Variants in MACROD1 observed in about 807,000 individuals in gnomAD.
The protein encoded by MACROD1 is ADP-ribose glycohydrolase MACROD1.
Under a neutral mutation model 41.4 loss-of-function variants are expected in MACROD1, and 31 were observed. The ratio of observed to expected loss-of-function variants is 0.75; its 90% CI spans 0.56 to 1.01. The LOEUF (loss-of-function observed/expected upper bound fraction) is 1.01. Among genes scored for constraint, MACROD1 ranks in the 50% least tolerant of loss-of-function variants. MACROD1 has a pLI of 0.00. For synonymous variants in MACROD1, 252 were observed against 203.4 expected (o/e 1.24, Z -2.03); for missense variants, 473 against 460.0 (o/e 1.03, Z -0.26).
rs188704118 is a variant in MACROD1 at position 64,016,554 on chromosome 11, C to T, written c.518-1273G>A. Among the ~76,000 whole-genome samples, 5 of 152,354 alleles carry T rather than the reference C, an allele frequency of 3.3e-5. No individual in the cohort carries two copies. In the East Asian group the frequency reaches 5.8e-4, roughly 18 times the overall value. ...TGGCCAGGCTGCAGGCCCAAGATGC[C>T]GTGAGGACGGCATGGACGCTGCTAA... On this transcript the variant is annotated intron_variant, in intron 3 of 10. Coordinates refer to ENST00000255681, the MANE Select transcript of MACROD1 (RefSeq NM_014067.4).
intron 3 of MACROD1, among the ~76,000 whole-genome samples, chr11:64,079,026 G>T (rs776140640): frequency 6.6e-6 from 1 of 151,466 alleles, no homozygotes. Flanking sequence ...ATGGGACTGG[G>T]TTCCCAGGGG....
chr11:64,066,456 A>C (rs1420884193), intron 3 of MACROD1, among the ~76,000 whole-genome samples: 1 of 151,674 alleles, frequency 6.6e-6, no homozygotes, highest in Non-Finnish European at 1.5e-5. Flanking sequence ...ATCTCTACAA[A>C]AAATTTTAAA....
chr11:64,054,049 G>A (rs1380018167), intron 3 of MACROD1, among the ~76,000 whole-genome samples: 1 of 152,152 alleles, frequency 6.6e-6, no homozygotes, highest in African/African-American at 2.4e-5. Flanking sequence ...CCCTGGCCCT[G>A]GTGGCAGCAA....
At chr11:64,015,107 C>T (rs957279910) in intron 4 of MACROD1, 145 bp downstream of exon 4, 12 of 853,004 alleles carry the variant, frequency 1.4e-5, no homozygotes, top group Admixed American at 3.6e-5. Flanking sequence ...AGGTCTCCAG[C>T]TCTGGGGAAG....
intron 3 of MACROD1, among the ~76,000 whole-genome samples, chr11:64,065,548 G>T (rs1213650927): frequency 6.6e-6 from 1 of 152,154 alleles, no homozygotes; most frequent in African/African-American, 2.4e-5. Flanking sequence ...CCAGCACTTT[G>T]GGAGGCCAAG....
chr11:64,022,717 C>T (rs905086888), intron 3 of MACROD1, among the ~76,000 whole-genome samples: 4 of 152,162 alleles, frequency 2.6e-5, no homozygotes, highest in African/African-American at 9.7e-5. Flanking sequence ...GCCAAGGTCA[C>T]TGTCCTCCGT....
intron 1 of MACROD1, among the ~76,000 whole-genome samples, chr11:64,153,976 C>G (rs1220832660): frequency 2.6e-5 from 4 of 152,048 alleles, no homozygotes; most frequent in African/African-American, 7.3e-5. Flanking sequence ...GCTGTCTCCA[C>G]TTCTTCCCTC....
At chr11:64,014,966 T>A (rs1276100180) in intron 4 of MACROD1, among the ~76,000 whole-genome samples, 1 of 152,022 alleles carries the variant, frequency 6.6e-6, no homozygotes, top group Non-Finnish European at 1.5e-5. Context: ...CACAGGGAGA[T>A]CAAGGTCAGG....
intron 3 of MACROD1, among the ~76,000 whole-genome samples, chr11:64,129,040 C>A (rs1945227980): frequency 6.6e-6 from 1 of 152,262 alleles, no homozygotes; most frequent in Admixed American, 6.5e-5. Context: ...CTCACCCTCC[C>A]CACGTGTGGC....
At position 64,097,508 on chromosome 11, in the gene MACROD1, C is replaced by T. The variant is rs1036451112; in HGVS notation, c.517+53731G>A. 1.1e-4 allele frequency among the ~76,000 whole-genome samples: 17 copies of T among 152,364 alleles called. 1 individual carries two copies. Among genetic ancestry groups the T allele is most frequent in the Admixed American group, 7.8e-4 (12 of 15,308 alleles). On this transcript the variant is annotated intron_variant, in intron 3 of 10. Coordinates refer to ENST00000255681, the MANE Select transcript of MACROD1 (RefSeq NM_014067.4). ...CTCTGATGGCCATCTTGAGGGTGGG[C>T]GCTGGCAAAGGCCCAGGCCCGCCGG...
chr11:64,087,233 C>T, intron 3 of MACROD1: 1 of 152,406 alleles, frequency 6.6e-6, no homozygotes, highest in Non-Finnish European at 1.5e-5. Context: ...AGCGCCCCCA[C>T]TGCTCTCCTG....
Position 63,999,522 on chromosome 11 carries a change from A to G in MACROD1, c.817+8T>C, listed in dbSNP as rs765627406. 6.2e-7 allele frequency: 1 copy of G among 1,606,476 alleles called. No individual in the cohort carries two copies. The highest frequency in any genetic ancestry group is 1.7e-5 in the Admixed American group (1 of 58,968). On this transcript the variant is annotated splice_region_variant and intron_variant, in intron 7 of 10. Transcript: ENST00000255681. ...CACTCCTGGTCCTTGCCTTTCTTCC[A>G]GACTCACCAAACACGCCGGTGGAGA...
intron 3 of MACROD1, among the ~76,000 whole-genome samples, chr11:64,125,199 G>A (rs1027807341): frequency 1.3e-5 from 2 of 151,848 alleles, no homozygotes; most frequent in Non-Finnish European, 1.5e-5. Flanking sequence ...CTGCCCCCAC[G>A]TCCTAACAAA....
intron 3 of MACROD1, among the ~76,000 whole-genome samples, chr11:64,133,072 C>T (rs1031620411): frequency 6.6e-6 from 1 of 152,142 alleles, no homozygotes; most frequent in African/African-American, 2.4e-5. Flanking sequence ...AGCCAGAGCG[C>T]CCTGTGGGGA....
At chr11:64,066,276 G>C (rs1286973453) in intron 3 of MACROD1, among the ~76,000 whole-genome samples, 1 of 130,148 alleles carries the variant, frequency 7.7e-6, no homozygotes, top group Non-Finnish European at 1.6e-5. Flanking sequence ...CAGCCTCGGT[G>C]ACAGAGCGAG....
chr11:64,033,311 G>A (rs1480538731), intron 3 of MACROD1, among the ~76,000 whole-genome samples: 2 of 152,206 alleles, frequency 1.3e-5, no homozygotes, highest in Non-Finnish European at 2.9e-5. Context: ...CCCGAACTGT[G>A]CACAGCCACC....
At chr11:64,060,895 C>A (rs1355559806) in intron 3 of MACROD1, among the ~76,000 whole-genome samples, 8 of 152,136 alleles carry the variant, frequency 5.3e-5, no homozygotes. Flanking sequence ...GCCCCGCCCC[C>A]GAGGCTCTTT....
rs548320206 is a variant in MACROD1, at chr11:64,143,343, T to A, written c.517+7896A>T. ...GGGTGCCTCAGTGTCCTCATCTGTA[T>A]AATGGGGGAAATGTCAGTGCCTGAC... is the stretch of plus-strand genomic sequence containing the variant. On this transcript the variant is annotated intron_variant, in intron 3 of 10. Transcript: ENST00000255681. 3.2e-4 allele frequency among the ~76,000 whole-genome samples: 49 copies of A among 152,148 alleles called. 1 individual carries two copies. Among genetic ancestry groups the A allele is most frequent in the Admixed American group, 3.1e-3 (48 of 15,270 alleles).
Position 64,000,065 on chromosome 11 carries a change from TC to T in MACROD1, c.664+161del, listed in dbSNP as rs1942793904. On this transcript the variant is annotated intron_variant, in intron 5 of 10. Coordinates refer to ENST00000255681, the MANE Select transcript of MACROD1 (RefSeq NM_014067.4). ...CCACGCACGGTCTCCCCCATGTGCT[TC>T]CTGGGGTGTGCGGGGTGGGGGCCGG... is the stretch of plus-strand genomic sequence containing the variant. 4 of 647,904 alleles carry T rather than the reference TC, an allele frequency of 6.2e-6. No individual in the cohort carries two copies. The South Asian group carries it at 7.7e-5, about 13-fold the overall frequency. 40.1% of individuals were successfully genotyped at this position (647,904 alleles called of 1,614,324 possible).
Sources: gnomAD v4.1 joint callset for allele counts (sites outside exome capture counted in the v4.1 genomes callset) on GRCh38, gnomAD v4.1.1 for gene constraint, MANE v1.5 for transcripts, NCBI Gene and HGNC (gene_info 2026-07-23, HGNC 2026-07-21) for gene names.